Variants in AHCYL2 observed in about 807,000 individuals in gnomAD.
AHCYL2 encodes the protein S-adenosylhomocysteine hydrolase-like protein 2.
AHCYL2 carries 28 observed loss-of-function variants against 81.4 expected under a neutral mutation model. That is an observed-to-expected ratio of 0.34 (90% CI 0.25 to 0.47). The LOEUF is 0.47. Among genes scored for constraint, AHCYL2 ranks in the 20% least tolerant of loss-of-function variants. The pLI is 1.00. For missense variants in AHCYL2, 551 were observed against 785.1 expected (o/e 0.70, Z 3.56); for synonymous variants, 272 against 290.2 (o/e 0.94, Z 0.64).
chr7:129,334,987 G>C (rs1563201105), intron 1 of AHCYL2, among the ~76,000 whole-genome samples: 2 of 152,118 alleles, frequency 1.3e-5, no homozygotes, highest in African/African-American at 4.8e-5. Flanking sequence ...TTAATGATTT[G>C]GTCTGTGATT....
At chr7:129,262,367 GCTT>G (rs1166646532) in intron 1 of AHCYL2, among the ~76,000 whole-genome samples, 1 of 152,226 alleles carries the variant, frequency 6.6e-6, no homozygotes, top group East Asian at 1.9e-4. Flanking sequence ...GCACAGTTGA[GCTT>G]CTTACCCCTT....
rs769346623 is a variant in AHCYL2 at position 129,362,597 on chromosome 7, G to GTTTTTTTTTTTTT, written c.364-17026_364-17014dup. Among the ~76,000 whole-genome samples, 6 of 63,630 alleles carry GTTTTTTTTTTTTT rather than the reference G, an allele frequency of 9.4e-5. 1 individual carries two copies. The highest frequency in any genetic ancestry group is 2.7e-4 in the African/African-American group (5 of 18,718). 41.7% of individuals were successfully genotyped at this position (63,630 alleles called of 152,430 possible). On this transcript the variant is annotated intron_variant, in intron 1 of 16. Coordinates refer to ENST00000325006, the MANE Select transcript of AHCYL2 (RefSeq NM_015328.4). ...CTAAGGAATAGTTATTGGTTTTCTT[G>GTTTTTTTTTTTTT]TTTTTTTTTTTTTTTTTTTTTTTTT... is the stretch of plus-strand genomic sequence containing the variant.
chr7:129,235,604 G>A (rs1294934091), intron 1 of AHCYL2, among the ~76,000 whole-genome samples: 2 of 151,932 alleles, frequency 1.3e-5, no homozygotes, highest in African/African-American at 4.8e-5. Flanking sequence ...TGTATTTTTT[G>A]TAGAGATGGG....
At chr7:129,384,817 G>A (rs561446643) in intron 2 of AHCYL2, among the ~76,000 whole-genome samples, 3 of 152,166 alleles carry the variant, frequency 2.0e-5, no homozygotes, top group East Asian at 3.8e-4. Flanking sequence ...TTCCAGATGC[G>A]TAGGAGAGAA....
At chr7:129,375,711 A>G (rs1256915678) in intron 1 of AHCYL2, 15 of 1,444,210 alleles carry the variant, frequency 1.0e-5, no homozygotes. Flanking sequence ...GGGTTGTTGG[A>G]GCTGCTTCAG....
At chr7:129,305,419 C>G (rs1797404999) in intron 1 of AHCYL2, among the ~76,000 whole-genome samples, 1 of 152,054 alleles carries the variant, frequency 6.6e-6, no homozygotes, top group African/African-American at 2.4e-5. Context: ...GAAATCGTGC[C>G]ACTGGACTCC....
chr7:129,358,034 T>C (rs967689779), intron 1 of AHCYL2, among the ~76,000 whole-genome samples: 2 of 151,714 alleles, frequency 1.3e-5, no homozygotes, highest in Non-Finnish European at 2.9e-5. Flanking sequence ...ACAACACAAA[T>C]GCCTATCGAC....
intron 1 of AHCYL2, among the ~76,000 whole-genome samples, chr7:129,307,771 G>A (rs146596520): frequency 2.3e-4 from 35 of 151,772 alleles, no homozygotes; most frequent in African/African-American, 7.0e-4. Context: ...GCAGGTCCTA[G>A]CTGGTTGCCG....
intron 12 of AHCYL2, among the ~76,000 whole-genome samples, chr7:129,414,490 G>A (rs539449046): frequency 1.1e-4 from 16 of 141,128 alleles, no homozygotes; most frequent in East Asian, 6.3e-4. Flanking sequence ...GCGCGGTCTC[G>A]GCTTACTGCA....
intron 1 of AHCYL2, among the ~76,000 whole-genome samples, chr7:129,327,861 A>G (rs907432739): frequency 6.6e-6 from 1 of 151,470 alleles, no homozygotes; most frequent in Non-Finnish European, 1.5e-5. Context: ...TGATGTGATC[A>G]TTACTCACTG....
chr7:129,238,709 T>C (rs1158801989), intron 1 of AHCYL2, among the ~76,000 whole-genome samples: 1 of 152,154 alleles, frequency 6.6e-6, no homozygotes, highest in Non-Finnish European at 1.5e-5. Flanking sequence ...CCCAGCACTT[T>C]GGGAGGCCGA....
chr7:129,364,229 TTAGAA>T (rs950347031), intron 1 of AHCYL2, among the ~76,000 whole-genome samples: 2 of 152,110 alleles, frequency 1.3e-5, no homozygotes, highest in African/African-American at 4.8e-5. Context: ...CCCTCTTAGG[TTAGAA>T]TAGAATAGAA....
Position 129,298,313 on chromosome 7 carries a change from T to C in AHCYL2, c.363+72874T>C, listed in dbSNP as rs1439575664. On this transcript the variant is annotated intron_variant, in intron 1 of 16. Transcript: ENST00000325006. ...ATACAAGGTAGCCTGGTTTTATTGT[T>C]GAACAAGGGAAGGAGAAAATCACTT... is the stretch of plus-strand genomic sequence containing the variant. Among the ~76,000 whole-genome samples, 3 of 152,204 alleles carry C rather than the reference T, an allele frequency of 2.0e-5. No homozygotes were observed. In the East Asian group the frequency reaches 5.8e-4, roughly 29 times the overall value.
intron 1 of AHCYL2, among the ~76,000 whole-genome samples, chr7:129,344,282 G>A (rs1793285374): frequency 6.6e-6 from 1 of 152,210 alleles, no homozygotes; most frequent in Non-Finnish European, 1.5e-5. Context: ...TTCACATGAA[G>A]ACCTATACAC....
chr7:129,413,498 C>G, intron 11 of AHCYL2, 96 bp from the exon 12 acceptor site: 1 of 995,176 alleles, frequency 1.0e-6, no homozygotes, highest in South Asian at 1.4e-5. Context: ...TTCCTTATAA[C>G]AAGTCCCTCA....
chr7:129,271,887 C>T (rs1286835516), intron 1 of AHCYL2, among the ~76,000 whole-genome samples: 1 of 152,144 alleles, frequency 6.6e-6, no homozygotes, highest in East Asian at 1.9e-4. Context: ...AGCATGTTTT[C>T]AAGATGGCTG....
intron 1 of AHCYL2, among the ~76,000 whole-genome samples, chr7:129,249,057 G>A (rs1450666198): frequency 6.7e-6 from 1 of 149,558 alleles, no homozygotes; most frequent in Non-Finnish European, 1.5e-5. Flanking sequence ...GAGTGCAGTG[G>A]CGCGATCTTG....
intron 5 of AHCYL2, among the ~76,000 whole-genome samples, chr7:129,397,649 T>C (rs1254514861): frequency 6.6e-6 from 1 of 152,184 alleles, no homozygotes; most frequent in African/African-American, 2.4e-5. Context: ...AAGGAGAAAA[T>C]GCTTCAGCCA....
At chr7:129,311,588 A>G (rs1480711188) in intron 1 of AHCYL2, among the ~76,000 whole-genome samples, 1 of 100,620 alleles carries the variant, frequency 9.9e-6, no homozygotes, top group Non-Finnish European at 1.9e-5. Flanking sequence ...CCACCGCGCC[A>G]GCAACTTGGG....
Sources: allele counts gnomAD v4.1 joint callset (sites outside exome capture counted in the v4.1 genomes callset), GRCh38; gene constraint gnomAD v4.1.1; transcripts MANE v1.5; gene names NCBI Gene and HGNC (gene_info 2026-07-23, HGNC 2026-07-21).